CDH9: variants seen among roughly 807,000 people sequenced by gnomAD.
CDH9 encodes the protein cadherin-9.
CDH9 carries 28 observed loss-of-function variants against 70.9 expected under a neutral mutation model. That is an observed-to-expected ratio of 0.40 (90% confidence interval 0.29 to 0.54). The LOEUF is 0.54. CDH9 is among the 20% of genes least tolerant of loss of function. The probability of loss-of-function intolerance (pLI) is 0.59; values close to 1 mark genes in which losing one functional copy is unlikely to be tolerated. For synonymous variants in CDH9, 409 were observed against 343.1 expected (o/e 1.19, Z -2.12); for missense variants, 874 against 984.4 (o/e 0.89, Z 1.50).
chr5:26,945,283 T>G (rs1418915568), intron 2 of CDH9, among the ~76,000 whole-genome samples: 1 of 151,986 alleles, frequency 6.6e-6, no homozygotes, highest in East Asian at 1.9e-4. Context: ...TCAAATGTGG[T>G]TTTCAATATG....
At chr5:26,918,485 A>G (rs1358360348) in intron 2 of CDH9, among the ~76,000 whole-genome samples, 1 of 152,218 alleles carries the variant, frequency 6.6e-6, no homozygotes, top group East Asian at 1.9e-4. Flanking sequence ...ATATTTCTTG[A>G]AGACCATAAA....
At chr5:26,954,982 C>A in intron 2 of CDH9, among the ~76,000 whole-genome samples, 1 of 152,028 alleles carries the variant, frequency 6.6e-6, no homozygotes, top group East Asian at 1.9e-4. Context: ...CTGTATTGGC[C>A]TGTGGTTGTA....
chr5:26,963,324 C>T (rs1262098875), intron 2 of CDH9, among the ~76,000 whole-genome samples: 3 of 151,962 alleles, frequency 2.0e-5, no homozygotes, highest in African/African-American at 7.3e-5. Context: ...CTTTGAGGTG[C>T]GAAATTGGAC....
chr5:26,962,853 T>G (rs189081699), intron 2 of CDH9, among the ~76,000 whole-genome samples: 3 of 152,278 alleles, frequency 2.0e-5, no homozygotes, highest in Admixed American at 6.5e-5. Flanking sequence ...AACTATTTTT[T>G]GTTGGTTTAG....
At chr5:26,887,139 C>A (rs1322169125) in intron 9 of CDH9, among the ~76,000 whole-genome samples, 1 of 152,016 alleles carries the variant, frequency 6.6e-6, no homozygotes, top group East Asian at 1.9e-4. Flanking sequence ...TGATATGTAA[C>A]TGTATTTTTA....
chr5:26,906,082 C>T lies in CDH9; in HGVS notation c.688G>A (p.Glu230Lys). ...GCCTGTATAACAACCTGGTACTGCT[C>T]TCTATTTTCTCTGCTCATGTCTGGT... ...ALPDMSRENREQYQVVIQAKD... is the reference protein window; with the variant it reads ...ALPDMSRENRKQYQVVIQAKD... Residue 230 changes from glutamate to lysine, a missense_variant, in exon 5 of 12, where the codon GAG becomes AAG. Glu to Lys is a moderately conservative substitution (Grantham distance 56). Transcript: ENST00000231021. The T allele has an allele frequency of 6.2e-7, 1 of 1,613,734 alleles. No individual in the cohort carries two copies. The highest frequency in any genetic ancestry group is 1.1e-5 in the South Asian group (1 of 91,070).
At chr5:26,925,866 G>A (rs927597261) in intron 2 of CDH9, among the ~76,000 whole-genome samples, 1 of 152,060 alleles carries the variant, frequency 6.6e-6, no homozygotes, top group Non-Finnish European at 1.5e-5. Context: ...AATAGAGGCA[G>A]AAAAGGCCTT....
chr5:26,981,855 CATT>C (rs964569346), intron 2 of CDH9, among the ~76,000 whole-genome samples: 12 of 149,376 alleles, frequency 8.0e-5, no homozygotes, highest in Admixed American at 8.0e-4. Context: ...TTAGTGAAAT[CATT>C]ATAAATATCT....
At chr5:26,978,922 A>C (rs904161518) in intron 2 of CDH9, among the ~76,000 whole-genome samples, 4 of 151,808 alleles carry the variant, frequency 2.6e-5, no homozygotes, top group East Asian at 1.9e-4. Flanking sequence ...TCAAAAATGA[A>C]AATGAAATAA....
In CDH9 at chr5:27,022,365, C is replaced by T. The variant is rs114102550; in HGVS notation, c.-50+16098G>A. Among the ~76,000 whole-genome samples, 1,355 of 152,024 alleles carry T rather than the reference C, an allele frequency of 8.9e-3. 24 individuals carry two copies. Among genetic ancestry groups the T allele is most frequent in the African/African-American group, 0.031 (1,282 of 41,496 alleles). On this transcript the variant is annotated intron_variant, in intron 1 of 11. Transcript: ENST00000231021. ...TAAAATTGTCAGACTGACATGTATA[C>T]GTTGTCTTCTTCAAAGGATTGAACA...
intron 2 of CDH9, among the ~76,000 whole-genome samples, chr5:26,947,827 A>C (rs2112043199): frequency 6.6e-6 from 1 of 152,266 alleles, no homozygotes; most frequent in African/African-American, 2.4e-5. Context: ...AGCCTCCATC[A>C]CTGTGTGGCA....
intron 3 of CDH9, among the ~76,000 whole-genome samples, chr5:26,910,913 G>A (rs1741042165): frequency 6.6e-6 from 1 of 152,160 alleles, no homozygotes; most frequent in Non-Finnish European, 1.5e-5. Context: ...TGCTGTGGGG[G>A]CCACTAATAA....
At chr5:27,006,176 G>GT (rs914379408) in intron 1 of CDH9, among the ~76,000 whole-genome samples, 73 of 151,730 alleles carry the variant, frequency 4.8e-4, no homozygotes, top group Non-Finnish European at 7.8e-4. Flanking sequence ...TATAATAAAA[G>GT]TTTTTTTAAA....
chr5:27,008,874 G>T (rs1742911007), intron 1 of CDH9, among the ~76,000 whole-genome samples: 1 of 152,104 alleles, frequency 6.6e-6, no homozygotes. Context: ...GCCAAGGCAA[G>T]GAAAAATAAC....
chr5:27,025,383 C>A (rs74441455), intron 1 of CDH9, among the ~76,000 whole-genome samples: 1 of 151,864 alleles, frequency 6.6e-6, no homozygotes, highest in Non-Finnish European at 1.5e-5. Flanking sequence ...AGATATGGTA[C>A]GGAAAATAAC....
intron 2 of CDH9, among the ~76,000 whole-genome samples, chr5:26,960,958 A>G (rs1487564822): frequency 6.6e-6 from 1 of 152,080 alleles, no homozygotes; most frequent in Non-Finnish European, 1.5e-5. Flanking sequence ...AAGTGCATGC[A>G]CATTTGACTC....
Position 26,886,233 on chromosome 5 carries a change from C to A in CDH9, c.1513-150G>T, listed in dbSNP as rs1299649042. The A allele has an allele frequency of 4.2e-6, 4 of 953,012 alleles. No homozygotes were observed. In the East Asian group the frequency reaches 1.2e-4, roughly 28 times the overall value. 59.0% of individuals were successfully genotyped at this position (953,012 alleles called of 1,614,324 possible). ...AAATGCCATTTTCAGAAAATTATGC[C>A]AATGTCTTATTTTTTACAGTTTTGT... On this transcript the variant is annotated intron_variant, in intron 9 of 11. Transcript: ENST00000231021.
chr5:26,971,763 A>C (rs905232437), intron 2 of CDH9, among the ~76,000 whole-genome samples: 2 of 116,362 alleles, frequency 1.7e-5, no homozygotes, highest in Admixed American at 1.5e-4. Context: ...AAGTGCATTA[A>C]AATACACACA....
chr5:26,974,755 T>C (rs1310932676), intron 2 of CDH9, among the ~76,000 whole-genome samples: 2 of 152,190 alleles, frequency 1.3e-5, no homozygotes, highest in Non-Finnish European at 2.9e-5. Flanking sequence ...TACATATAAA[T>C]TATGAAGTGA....
Sources: gnomAD v4.1 joint callset for allele counts (sites outside exome capture counted in the v4.1 genomes callset) on GRCh38, gnomAD v4.1.1 for gene constraint, MANE v1.5 for transcripts, NCBI Gene and HGNC (gene_info 2026-07-23, HGNC 2026-07-21) for gene names.